TRPM8: variants seen among roughly 807,000 people sequenced by gnomAD.
TRPM8 encodes TRPM8 cationic channel.
A neutral mutation model predicts 133.7 loss-of-function variants in TRPM8; 110 were observed. The observed-to-expected ratio is 0.82, with a 90% CI of 0.70 to 0.96. TRPM8 has a LOEUF of 0.96. TRPM8 is among the 40% of genes least tolerant of loss of function. The pLI is 0.00. For missense variants in TRPM8, 1,291 were observed against 1,379.5 expected (o/e 0.94, Z 1.02); for synonymous variants, 535 against 532.3 (o/e 1.01, Z -0.07).
At position 233,930,696 on chromosome 2, in the gene TRPM8, T is replaced by C; in HGVS notation, c.146T>C (p.Phe49Ser). Reference protein sequence around the residue: ...SDLVNFIQANFKKRECVFFTK... With the variant: ...SDLVNFIQANSKKRECVFFTK... The stretch of plus-strand genomic sequence containing the variant: ...TTGGTGAATTTTATTCAAGCAAATT[T>C]TAAGAAACGAGAATGTGTCTTCTTT... The change falls in exon 3 of 26, where the codon TTT (phenylalanine) becomes TCT (serine). Residue 49 changes from phenylalanine (F) to serine (S), a missense_variant. This residue lies in a region of TRPM8 where 963 missense variants were observed against 968.9 expected (regional missense o/e 0.99). Coordinates refer to ENST00000324695, the MANE Select transcript of TRPM8 (RefSeq NM_024080.5). The C allele has an allele frequency of 6.2e-7, 1 of 1,609,698 alleles. No individual in the cohort carries two copies. Among genetic ancestry groups the C allele is most frequent in the Non-Finnish European group, 8.5e-7 (1 of 1,176,846 alleles).
chr2:233,937,903 C>T (rs1314666099), intron 4 of TRPM8, among the ~76,000 whole-genome samples: 2 of 152,202 alleles, frequency 1.3e-5, no homozygotes, highest in Non-Finnish European at 2.9e-5. Flanking sequence ...GCAAGCTCTC[C>T]AGCAAGGTTT....
At chr2:233,953,826 T>A (rs1691227169) in intron 9 of TRPM8, 91 bp from the exon 10 acceptor site, 2 of 943,344 alleles carry the variant, frequency 2.1e-6, no homozygotes, top group Non-Finnish European at 3.2e-6. Flanking sequence ...ACAGGTGGTC[T>A]TTTTAAAAAG....
At chr2:234,000,668 C>G (rs1692535075) in intron 22 of TRPM8, among the ~76,000 whole-genome samples, 1 of 132,984 alleles carries the variant, frequency 7.5e-6, no homozygotes, top group African/African-American at 3.0e-5. Flanking sequence ...AAAGGAAGAT[C>G]CAAAGAAACA....
In TRPM8 at chr2:233,934,730, C is replaced by A. The variant is rs1232089823; in HGVS notation, c.192-2623C>A. 2.0e-5 allele frequency among the ~76,000 whole-genome samples: 3 copies of A among 152,232 alleles called. No homozygotes were observed. In the East Asian group the frequency reaches 5.8e-4, roughly 29 times the overall value. ...TTCAAGAAGATCACTATCAGCAGAG[C>A]AACTCCAGTTGAAGCCAATTGCTTT... On this transcript the variant is annotated intron_variant, in intron 3 of 25. Transcript: ENST00000324695.
At chr2:233,970,914 G>C (rs1405276998) in intron 17 of TRPM8, among the ~76,000 whole-genome samples, 1 of 152,172 alleles carries the variant, frequency 6.6e-6, no homozygotes. Flanking sequence ...CTTTTCTGCA[G>C]TTTCTTGGGA....
intron 22 of TRPM8, among the ~76,000 whole-genome samples, chr2:234,002,333 C>A (rs1692589120): frequency 6.6e-6 from 1 of 151,994 alleles, no homozygotes. Flanking sequence ...CCTACAGTCA[C>A]ATTTTAGCTC....
At chr2:233,918,759 C>A (rs1158176915) in intron 1 of TRPM8, among the ~76,000 whole-genome samples, 1 of 152,184 alleles carries the variant, frequency 6.6e-6, no homozygotes, top group Non-Finnish European at 1.5e-5. Context: ...GACATGGAGG[C>A]ACAGATGCCT....
Position 234,006,956 on chromosome 2 carries a change from T to C in TRPM8, c.3230+4T>C, listed in dbSNP as rs1692709931. On this transcript the variant is annotated splice_donor_region_variant and intron_variant, in intron 23 of 25. Coordinates refer to ENST00000324695, the MANE Select transcript of TRPM8 (RefSeq NM_024080.5). ...AAGCCAACGACACCTCAGAGGAGTA[T>C]GTCAGACATCCCTTTCTGCTTTGCA... 6.2e-7 allele frequency: 1 copy of C among 1,610,620 alleles called. No homozygotes were observed. The highest frequency in any genetic ancestry group is 2.2e-5 in the East Asian group (1 of 44,850).
Position 233,983,123 on chromosome 2 carries a change from G to A in TRPM8, c.2660G>A (p.Gly887Glu). Residue 887 changes from glycine (G) to glutamate (E), a missense_variant, in exon 20 of 26, where the codon GGG (glycine) becomes GAG (glutamate). By Grantham distance (98) the Gly-to-Glu change is moderately conservative. Around this residue, in one of 2 missense-constraint regions of TRPM8, gnomAD observed 328 missense variants for 410.6 expected, o/e 0.80. Transcript: ENST00000324695. Reference protein sequence around the residue: ...WMVAFGVARQGILRQNEQRWR... With the variant: ...WMVAFGVARQEILRQNEQRWR... ...GTGGCCTTTGGCGTGGCCAGGCAAG[G>A]GATCCTTAGGCAGAATGAGCAGCGC... is the stretch of plus-strand genomic sequence containing the variant. The A allele has an allele frequency of 6.2e-7, 1 of 1,614,168 alleles. No homozygotes were observed. The highest frequency in any genetic ancestry group is 8.5e-7 in the Non-Finnish European group (1 of 1,180,022).
chr2:233,967,046 C>T lies in TRPM8; in HGVS notation c.2025+291C>T, dbSNP rs542734358. Among the ~76,000 whole-genome samples the T allele has an allele frequency of 8.5e-5, 13 of 152,286 alleles. No individual in the cohort carries two copies. In the South Asian group the frequency reaches 1.5e-3, roughly 17 times the overall value. On this transcript the variant is annotated intron_variant, in intron 15 of 25. Transcript: ENST00000324695. ...GGATCCCACTGCCTGGGTCTCCATC[C>T]GCTGTACCCCTAATGAAGTGTGTGA...
intron 12 of TRPM8, among the ~76,000 whole-genome samples, chr2:233,962,490 C>T (rs192229145): frequency 5.1e-4 from 77 of 152,244 alleles, no homozygotes; most frequent in African/African-American, 1.8e-3. Context: ...CCAAAATAAA[C>T]GACTTGCCTC....
At chr2:233,982,355 A>G (rs771597509) in intron 19 of TRPM8, among the ~76,000 whole-genome samples, 4 of 152,206 alleles carry the variant, frequency 2.6e-5, no homozygotes, top group Non-Finnish European at 4.4e-5. Flanking sequence ...GATACAGGGA[A>G]AGGCTATAGC....
intron 10 of TRPM8, among the ~76,000 whole-genome samples, chr2:233,954,432 G>T (rs1691243392): frequency 6.6e-6 from 1 of 152,270 alleles, no homozygotes; most frequent in Non-Finnish European, 1.5e-5. Context: ...AATTTCAGGG[G>T]TTTACAAATT....
intron 10 of TRPM8, among the ~76,000 whole-genome samples, chr2:233,954,385 A>T (rs897261246): frequency 6.6e-6 from 1 of 152,236 alleles, no homozygotes; most frequent in African/African-American, 2.4e-5. Context: ...TTGTACACAT[A>T]TGCACACATA....
rs1690833836 is a variant in TRPM8 at position 233,939,035 on chromosome 2, T to C, written c.386T>C (p.Leu129Pro). 1.2e-6 allele frequency: 2 copies of C among 1,614,096 alleles called. No homozygotes were observed. The highest frequency in any genetic ancestry group is 1.1e-5 in the South Asian group (1 of 91,088). ...TCCTGCGACACGGACGCGGAAATCC[T>C]TTACGAGCTGCTGACCCAGCACTGG... ...RLSCDTDAEI[L>P]YELLTQHWHL... Residue 129 changes from leucine (L) to proline (P), a missense_variant, in exon 5 of 26, where the codon CTT becomes CCT. Physicochemically the swap from Leu to Pro is moderately conservative, Grantham distance 98. This residue lies in a region of TRPM8 where 963 missense variants were observed against 968.9 expected (regional missense o/e 0.99). Transcript: ENST00000324695.
At chr2:233,935,173 G>A (rs552090361) in intron 3 of TRPM8, among the ~76,000 whole-genome samples, 1 of 152,330 alleles carries the variant, frequency 6.6e-6, no homozygotes, top group Admixed American at 6.5e-5. Context: ...TAAATGCCCT[G>A]ATGTGCCAGA....
chr2:233,939,604 G>A (rs1274580424), intron 5 of TRPM8, among the ~76,000 whole-genome samples: 2 of 152,128 alleles, frequency 1.3e-5, no homozygotes, highest in African/African-American at 4.8e-5. Flanking sequence ...GTCTGATTGA[G>A]GTCAAAGCAA....
intron 16 of TRPM8, 56 bp downstream of exon 16, chr2:233,969,863 C>A: frequency 9.5e-7 from 1 of 1,050,608 alleles, no homozygotes; most frequent in Non-Finnish European, 1.5e-6. Flanking sequence ...TGTGTACATG[C>A]ATCCACATAT....
chr2:234,007,264 G>A lies in TRPM8; in HGVS notation c.3230+312G>A, dbSNP rs139788818. ...AGAGGGTGGGTCCCCTGCTGCGGCC[G>A]CAGAGGTGGGTTCTGGCAAGACTCA... On this transcript the variant is annotated intron_variant, in intron 23 of 25. Coordinates refer to ENST00000324695, the MANE Select transcript of TRPM8 (RefSeq NM_024080.5). Among the ~76,000 whole-genome samples the A allele has an allele frequency of 5.2e-4, 79 of 152,318 alleles. 1 individual carries two copies. The East Asian group carries it at 0.014, about 28-fold the overall frequency.
Sources: gnomAD v4.1 joint callset for allele counts (sites outside exome capture counted in the v4.1 genomes callset) on GRCh38, gnomAD v4.1.1 for gene constraint, gnomAD v4.1.1 regional missense constraint, MANE v1.5 for transcripts, NCBI Gene and HGNC (gene_info 2026-07-23, HGNC 2026-07-21) for gene names.